The following DST variants were observed in gnomAD, a reference collection of about 807,000 sequenced individuals.
DST encodes dystonin.
DST carries 253 observed loss-of-function variants against 875.2 expected under a neutral mutation model. That is an observed-to-expected ratio of 0.29 (90% CI 0.26 to 0.32). The LOEUF (loss-of-function observed/expected upper bound fraction) is 0.32, where lower values mean the gene tolerates loss of function less well. Among genes scored for constraint, DST ranks in the 10% least tolerant of loss-of-function variants. The pLI, the probability that DST is intolerant of heterozygous loss-of-function variation, is 1.00. For missense variants in DST, 8,287 were observed against 9,111.6 expected (o/e 0.91, Z 3.68); for synonymous variants, 3,124 against 3,197.1 (o/e 0.98, Z 0.77).
At chr6:56,564,012 T>G (rs2097595900) in intron 55 of DST, among the ~76,000 whole-genome samples, 2 of 152,382 alleles carry the variant, frequency 1.3e-5, no homozygotes, top group Non-Finnish European at 1.5e-5. Context: ...GGTAGCATGA[T>G]GCCTCCAGCT....
At chr6:56,704,050 T>C (rs1196367973) in intron 6 of DST, among the ~76,000 whole-genome samples, 1 of 152,178 alleles carries the variant, frequency 6.6e-6, no homozygotes, top group Non-Finnish European at 1.5e-5. Context: ...ATTTTAATTA[T>C]AGAACTGATT....
rs923089548 is a variant in DST, at chr6:56,927,575, G to T, written c.216+26210C>A. Among the ~76,000 whole-genome samples, 3 of 151,978 alleles carry T rather than the reference G, an allele frequency of 2.0e-5. No homozygotes were observed. In the East Asian group the frequency reaches 5.8e-4, roughly 29 times the overall value. On this transcript the variant is annotated intron_variant, in intron 2 of 103. Transcript: ENST00000680361. Reference sequence around the variant, plus strand: ...ATATGATGAAGGGAGATTTGTTACAGAAATTCTAGAAGTGTCTAGAAGTGT... The same window carrying T: ...ATATGATGAAGGGAGATTTGTTACATAAATTCTAGAAGTGTCTAGAAGTGT...
At chr6:56,654,887 G>A (rs1366134285) in intron 10 of DST, among the ~76,000 whole-genome samples, 4 of 152,178 alleles carry the variant, frequency 2.6e-5, no homozygotes, top group South Asian at 2.1e-4. Flanking sequence ...CAGGCTGGGC[G>A]CAGTGGCTCA....
chr6:56,724,567 A>G (rs2099438914), intron 5 of DST, among the ~76,000 whole-genome samples: 1 of 152,204 alleles, frequency 6.6e-6, no homozygotes, highest in African/African-American at 2.4e-5. Flanking sequence ...TGCTCTGCAA[A>G]TTATCTAATC....
chr6:56,903,688 G>C (rs748157355), intron 2 of DST, among the ~76,000 whole-genome samples: 2 of 152,112 alleles, frequency 1.3e-5, no homozygotes, highest in Non-Finnish European at 2.9e-5. Flanking sequence ...TCAAACTCCT[G>C]ACCTCATGAT....
At chr6:56,483,011 T>C in intron 88 of DST, 134 bp from the exon 89 acceptor site, 1 of 566,366 alleles carries the variant, frequency 1.8e-6, no homozygotes, top group Non-Finnish European at 2.7e-6. Context: ...ACCATATTTC[T>C]GGCAGCATCT....
At position 56,809,288 on chromosome 6, in the gene DST, A is replaced by G. The variant is rs1256604655; in HGVS notation, c.625+42109T>C. 5.9e-5 allele frequency among the ~76,000 whole-genome samples: 9 copies of G among 152,124 alleles called. 1 individual carries two copies. In the South Asian group the frequency reaches 1.7e-3, roughly 28 times the overall value. ...GGAATGGGTCTGGTATCAGGGAACA[A>G]ATCTCAACTGCCCCTCCCCGAGTGA... On this transcript the variant is annotated intron_variant, in intron 4 of 103. Coordinates refer to ENST00000680361, the MANE Select transcript of DST (RefSeq NM_001374736.1).
intron 86 of DST, among the ~76,000 whole-genome samples, chr6:56,487,901 G>A (rs1371885080): frequency 4.6e-5 from 7 of 152,126 alleles, no homozygotes; most frequent in Non-Finnish European, 1.0e-4. Flanking sequence ...AATCCTTGTA[G>A]CAAATTAAAA....
chr6:56,711,318 A>C (rs983582799), intron 5 of DST, among the ~76,000 whole-genome samples: 1 of 152,212 alleles, frequency 6.6e-6, no homozygotes, highest in Non-Finnish European at 1.5e-5. Context: ...CCATGGTTGC[A>C]GTAACCTTTT....
At chr6:56,518,871 T>TA (rs1227693484) in intron 69 of DST, among the ~76,000 whole-genome samples, 1 of 152,150 alleles carries the variant, frequency 6.6e-6, no homozygotes, top group Non-Finnish European at 1.5e-5. Context: ...GGAGAACAGG[T>TA]AGGTGGGGAG....
intron 2 of DST, among the ~76,000 whole-genome samples, chr6:56,905,268 T>C (rs572754954): frequency 2.6e-5 from 4 of 152,136 alleles, no homozygotes; most frequent in Non-Finnish European, 4.4e-5. Flanking sequence ...GTGAGGAACA[T>C]TTATCATGAG....
At chr6:56,532,050 C>G (rs970302421) in intron 64 of DST, among the ~76,000 whole-genome samples, 1 of 152,134 alleles carries the variant, frequency 6.6e-6, no homozygotes, top group East Asian at 1.9e-4. Flanking sequence ...CCCTATAACA[C>G]AAGACCTAAC....
At chr6:56,651,845 C>T (rs1179130574) in intron 10 of DST, among the ~76,000 whole-genome samples, 1 of 152,158 alleles carries the variant, frequency 6.6e-6, no homozygotes, top group Non-Finnish European at 1.5e-5. Context: ...GACTCCTTGC[C>T]CTATTAATTC....
In DST at chr6:56,607,224, G is replaced by A. The variant is rs374418849; in HGVS notation, c.7404C>T (p.Ala2468=). The A allele has an allele frequency of 1.3e-4, 212 of 1,613,488 alleles. No individual in the cohort carries two copies. In the African/African-American group the frequency reaches 2.4e-3, roughly 18 times the overall value. Residue 2468 remains alanine, a synonymous_variant, in exon 40 of 104, where the codon GCC becomes GCT. Coordinates refer to ENST00000680361, the MANE Select transcript of DST (RefSeq NM_001374736.1). The part of the protein sequence containing the change: ...ESNGNKCEAP[A]LSFSDKTMLS... ...ACATGGTTTTGTCACTGAATGATAA[G>A]GCTGGGGCTTCACACTTATTTCCAT...
At chr6:56,538,292 A>G (rs1359994326) in intron 61 of DST, among the ~76,000 whole-genome samples, 1 of 152,176 alleles carries the variant, frequency 6.6e-6, no homozygotes, top group Non-Finnish European at 1.5e-5. Context: ...TTTCATAGAT[A>G]ATATGTTTTT....
intron 12 of DST, among the ~76,000 whole-genome samples, chr6:56,650,537 G>A (rs565912284): frequency 2.6e-5 from 4 of 152,136 alleles, no homozygotes; most frequent in African/African-American, 7.2e-5. Context: ...TCATAGAATC[G>A]TATGAAGTAA....
chr6:56,897,068 TG>T (rs1791675777), intron 3 of DST, among the ~76,000 whole-genome samples: 1 of 152,190 alleles, frequency 6.6e-6, no homozygotes, highest in African/African-American at 2.4e-5. Context: ...GTTTTTCCAA[TG>T]TTATTTCTAT....
chr6:56,924,284 A>G (rs758894134), intron 2 of DST, among the ~76,000 whole-genome samples: 13 of 152,206 alleles, frequency 8.5e-5, no homozygotes, highest in Non-Finnish European at 1.6e-4. Flanking sequence ...CACTGAACGC[A>G]GAGTTGGAAC....
chr6:56,473,606 T>G (rs2095014206), intron 93 of DST, among the ~76,000 whole-genome samples: 1 of 152,206 alleles, frequency 6.6e-6, no homozygotes, highest in Admixed American at 6.5e-5. Context: ...CCATTCTTAC[T>G]GTAAATTTTT....
Sources: allele counts gnomAD v4.1 joint callset (sites outside exome capture counted in the v4.1 genomes callset), GRCh38; gene constraint gnomAD v4.1.1; transcripts MANE v1.5; gene names NCBI Gene and HGNC (gene_info 2026-07-23, HGNC 2026-07-21).